The following DTD1 variants were observed in gnomAD, a reference collection of about 807,000 sequenced individuals.
DTD1 encodes D-tyrosyl-tRNA deacylase 1 homolog.
A neutral mutation model predicts 25.6 loss-of-function variants in DTD1; 13 were observed. The observed-to-expected ratio is 0.51, with a 90% confidence interval of 0.33 to 0.81. The LOEUF (loss-of-function observed/expected upper bound fraction) is 0.81. Among genes scored for constraint, DTD1 ranks in the 30% least tolerant of loss-of-function variants. The pLI, the probability that DTD1 is intolerant of heterozygous loss-of-function variation, is 0.02. For synonymous variants in DTD1, 110 were observed against 103.6 expected, an observed-to-expected ratio of 1.06 and a Z score of -0.37; for missense variants, 193 against 266.4, an observed-to-expected ratio of 0.72 and a Z score of 1.92.
intron 4 of DTD1, among the ~76,000 whole-genome samples, chr20:18,663,818 G>A (rs1344451419): frequency 6.6e-6 from 1 of 152,206 alleles, no homozygotes; most frequent in African/African-American, 2.4e-5. Flanking sequence ...AGTGCCAGCG[G>A]GGGAACTGCT....
chr20:18,715,075 G>T (rs1341899606), intron 4 of DTD1, among the ~76,000 whole-genome samples: 1 of 152,124 alleles, frequency 6.6e-6, no homozygotes, highest in African/African-American at 2.4e-5. Context: ...TGGACACCAG[G>T]CTGGGCCAGC....
chr20:18,724,745 C>T lies in DTD1; in HGVS notation c.478-19355C>T, dbSNP rs537936300. 2.6e-5 allele frequency among the ~76,000 whole-genome samples: 4 copies of T among 152,328 alleles called. No individual in the cohort carries two copies. In the South Asian group the frequency reaches 6.2e-4, roughly 24 times the overall value. ...TGACCTAAAAACAGGAGCCTTCCCT[C>T]CCCTGGAAAGATTTAAAATATTTGA... On this transcript the variant is annotated intron_variant, in intron 4 of 5. Transcript: ENST00000377452.
intron 4 of DTD1, among the ~76,000 whole-genome samples, chr20:18,657,215 T>C (rs1026937200): frequency 3.9e-5 from 6 of 152,200 alleles, no homozygotes; most frequent in African/African-American, 1.4e-4. Flanking sequence ...ACTCAACAAA[T>C]GAGCAGGATG....
Position 18,595,990 on chromosome 20 carries a change from C to T in DTD1, c.135-16C>T, listed in dbSNP as rs758195760. The T allele has an allele frequency of 1.9e-6, 3 of 1,610,438 alleles. No homozygotes were observed. The highest frequency in any genetic ancestry group is 3.3e-5 in the Admixed American group (2 of 60,008). Reference sequence around the variant, plus strand: ...GTGATCTCTCAGGTAGCTCTCACTGCTCTTTTTCCCCTTAGGGTCCGAAAG... The same window carrying T: ...GTGATCTCTCAGGTAGCTCTCACTGTTCTTTTTCCCCTTAGGGTCCGAAAG... On this transcript the variant is annotated splice_polypyrimidine_tract_variant and intron_variant, in intron 2 of 5. Transcript: ENST00000377452.
intron 1 of DTD1, among the ~76,000 whole-genome samples, chr20:18,591,509 A>T (rs938758019): frequency 1.3e-5 from 2 of 152,198 alleles, no homozygotes; most frequent in Non-Finnish European, 2.9e-5. Flanking sequence ...ATATTATTAT[A>T]AAAATTTATA....
intron 4 of DTD1, chr20:18,698,512 T>C (rs1355617028): frequency 6.6e-6 from 1 of 152,244 alleles, no homozygotes; most frequent in Admixed American, 6.5e-5. Context: ...GGGAAACCAT[T>C]GACTGTTTCC....
chr20:18,680,416 CG>C (rs1229203451), intron 4 of DTD1, among the ~76,000 whole-genome samples: 15 of 99,882 alleles, frequency 1.5e-4, no homozygotes, highest in Non-Finnish European at 3.0e-4. Flanking sequence ...TTGTTGTCTA[CG>C]TTTTTTTTTT....
chr20:18,736,199 G>C (rs536326093), intron 4 of DTD1, among the ~76,000 whole-genome samples: 1 of 152,256 alleles, frequency 6.6e-6, no homozygotes, highest in South Asian at 2.1e-4. Context: ...GAGAGATATG[G>C]GGGTGATGGC....
chr20:18,655,808 T>C (rs1907505384), intron 4 of DTD1, among the ~76,000 whole-genome samples: 2 of 152,212 alleles, frequency 1.3e-5, no homozygotes, highest in Admixed American at 1.3e-4. Flanking sequence ...TTCACTCTTG[T>C]TGCCCAGGCT....
At chr20:18,675,797 C>T (rs2060969127) in intron 4 of DTD1, among the ~76,000 whole-genome samples, 2 of 150,056 alleles carry the variant, frequency 1.3e-5, no homozygotes, top group Non-Finnish European at 3.0e-5. Context: ...TGTAAATATA[C>T]CTATGTGTAT....
intron 4 of DTD1, among the ~76,000 whole-genome samples, chr20:18,689,376 C>G (rs1193828123): frequency 6.6e-6 from 1 of 152,120 alleles, no homozygotes; most frequent in South Asian, 2.1e-4. Flanking sequence ...TCTAGATTTT[C>G]ATAGAATCAC....
intron 3 of DTD1, among the ~76,000 whole-genome samples, chr20:18,601,869 C>T (rs1209704648): frequency 2.0e-5 from 3 of 151,588 alleles, no homozygotes; most frequent in Non-Finnish European, 4.4e-5. Context: ...CAGAGCGCCT[C>T]TCCTCCTCCA....
chr20:18,753,292 T>C (rs1426547942), intron 5 of DTD1, among the ~76,000 whole-genome samples: 1 of 152,152 alleles, frequency 6.6e-6, no homozygotes. Context: ...GATACTGTCA[T>C]CTGAATCACT....
Position 18,740,546 on chromosome 20 carries a change from C to T in DTD1, c.478-3554C>T, listed in dbSNP as rs146846777. On this transcript the variant is annotated intron_variant, in intron 4 of 5. Transcript: ENST00000377452. ...GCTGGCAGCAGAAGGCAGCTTACCA[C>T]AATTTACTGCAGAACACCAATTTCA... Among the ~76,000 whole-genome samples the T allele has an allele frequency of 3.9e-3, 594 of 152,242 alleles. 4 individuals carry two copies. Among genetic ancestry groups the T allele is most frequent in the African/African-American group, 0.014 (575 of 41,544 alleles).
chr20:18,612,005 C>T (rs1424641696), intron 3 of DTD1, among the ~76,000 whole-genome samples: 2 of 150,190 alleles, frequency 1.3e-5, no homozygotes, highest in Non-Finnish European at 1.5e-5. Context: ...CAGGCGCCCA[C>T]GACCGTGCCC....
At chr20:18,684,313 G>A (rs1055787559) in intron 4 of DTD1, among the ~76,000 whole-genome samples, 1 of 151,742 alleles carries the variant, frequency 6.6e-6, no homozygotes, top group African/African-American at 2.4e-5. Flanking sequence ...TTGAGATGGA[G>A]TCTCACCCTG....
In DTD1 at chr20:18,757,825, G is replaced by A. The variant is rs530430587; in HGVS notation, c.*20-5535G>A. On this transcript the variant is annotated intron_variant, in intron 5 of 5. Transcript: ENST00000377452. Reference sequence around the variant, plus strand: ...AGGATTCCCTCTTTTTCTATTGATTGGAATAGTTTCAGAAGGAATGGTACC... The same window carrying A: ...AGGATTCCCTCTTTTTCTATTGATTAGAATAGTTTCAGAAGGAATGGTACC... Among the ~76,000 whole-genome samples the A allele has an allele frequency of 3.5e-3, 536 of 152,262 alleles. 4 individuals are homozygous for A. The highest frequency in any genetic ancestry group is 0.012 in the African/African-American group (518 of 41,552).
At chr20:18,641,128 A>G (rs1339851703) in intron 4 of DTD1, among the ~76,000 whole-genome samples, 5 of 152,084 alleles carry the variant, frequency 3.3e-5, no homozygotes, top group Non-Finnish European at 7.4e-5. Context: ...ACTTAGCATA[A>G]TTTCTTCAAG....
chr20:18,626,343 C>A (rs566984820), intron 3 of DTD1, among the ~76,000 whole-genome samples: 82 of 152,282 alleles, frequency 5.4e-4, no homozygotes, highest in Non-Finnish European at 6.5e-4. Context: ...AGAGAATCTG[C>A]AGGGAGGCAC....
Sources: allele counts gnomAD v4.1 joint callset (sites outside exome capture counted in the v4.1 genomes callset), GRCh38; gene constraint gnomAD v4.1.1; transcripts MANE v1.5; gene names NCBI Gene and HGNC (gene_info 2026-07-23, HGNC 2026-07-21).